XKR9: variants seen among roughly 807,000 people sequenced by gnomAD.
XKR9 encodes XK-related protein 9.
A neutral mutation model predicts 32.0 loss-of-function variants in XKR9; 32 were observed. The ratio of observed to expected loss-of-function variants is 1.00; its 90% CI spans 0.76 to 1.34. The LOEUF (loss-of-function observed/expected upper bound fraction) is 1.34. XKR9 is among the 40% of genes most tolerant of loss of function. The pLI, the probability that XKR9 is intolerant of heterozygous loss-of-function variation, is 0.00. For synonymous variants in XKR9, 168 were observed against 143.4 expected (o/e 1.17, Z -1.22); for missense variants, 546 against 429.7 (o/e 1.27, Z -2.39).
downstream of XKR9, among the ~76,000 whole-genome samples, chr8:70,792,262 TC>T (rs1807773756): frequency 6.6e-6 from 1 of 152,076 alleles, no homozygotes; most frequent in Non-Finnish European, 1.5e-5. Context: ...ATCATTCCTA[TC>T]TCCAAGGGCT....
intron 4 of XKR9, among the ~76,000 whole-genome samples, chr8:70,710,851 C>A (rs1181914006): frequency 6.6e-6 from 1 of 152,138 alleles, no homozygotes; most frequent in East Asian, 1.9e-4. Flanking sequence ...AAACAACCTA[C>A]AGAATGGGAG....
intron 3 of XKR9, among the ~76,000 whole-genome samples, chr8:70,704,108 G>T (rs1429836529): frequency 6.6e-6 from 1 of 152,062 alleles, no homozygotes; most frequent in African/African-American, 2.4e-5. Flanking sequence ...TGTGAACCCG[G>T]GAGGTGGAGC....
chr8:70,941,311 T>A, the XKR9 span, among the ~76,000 whole-genome samples: 3 of 152,164 alleles, frequency 2.0e-5, no homozygotes, highest in Non-Finnish European at 2.9e-5. Context: ...AATTTCTTTT[T>A]TATGGCTGAG....
chr8:71,042,511 A>G, the XKR9 span, among the ~76,000 whole-genome samples: 12 of 152,276 alleles, frequency 7.9e-5, no homozygotes, highest in Non-Finnish European at 1.6e-4. Flanking sequence ...CTACTGCAGG[A>G]TGGCTATAAA....
the XKR9 span, among the ~76,000 whole-genome samples, chr8:70,923,194 GAGGC>G: frequency 1.3e-5 from 2 of 152,244 alleles, no homozygotes; most frequent in Non-Finnish European, 2.9e-5. Context: ...CTGGGATGTT[GAGGC>G]TGACAAGATT....
chr8:70,871,912 T>A, the XKR9 span, among the ~76,000 whole-genome samples: 1 of 152,236 alleles, frequency 6.6e-6, no homozygotes, highest in Admixed American at 6.5e-5. Context: ...CTAGTTCTAG[T>A]TCTAGTTTTA....
the XKR9 span, among the ~76,000 whole-genome samples, chr8:70,824,419 T>C: frequency 2.6e-5 from 4 of 152,124 alleles, no homozygotes; most frequent in African/African-American, 9.6e-5. Flanking sequence ...ACCCTTCTTA[T>C]TTAGGTGTCT....
chr8:70,772,376 AC>A, intron 2 of XKR9, among the ~76,000 whole-genome samples: 1 of 152,326 alleles, frequency 6.6e-6, no homozygotes, highest in East Asian at 1.9e-4. Context: ...ATATTCCATG[AC>A]AAAGGAGCCT....
the XKR9 span, among the ~76,000 whole-genome samples, chr8:70,983,773 C>A: frequency 6.7e-6 from 1 of 150,082 alleles, no homozygotes; most frequent in Admixed American, 6.7e-5. Context: ...AAGGGCAAGA[C>A]TTCATCTCAA....
chr8:70,914,786 A>T, the XKR9 span, among the ~76,000 whole-genome samples: 4 of 152,176 alleles, frequency 2.6e-5, no homozygotes, highest in Non-Finnish European at 5.9e-5. Flanking sequence ...AGTTTAAAAG[A>T]TATTTTTCTA....
chr8:70,958,163 T>C, the XKR9 span, among the ~76,000 whole-genome samples: 1 of 152,214 alleles, frequency 6.6e-6, no homozygotes, highest in African/African-American at 2.4e-5. Flanking sequence ...AATGAACATA[T>C]GTGTGCATGT....
At chr8:70,757,820 C>T (rs1256102725) in intron 2 of XKR9, among the ~76,000 whole-genome samples, 3 of 152,174 alleles carry the variant, frequency 2.0e-5, no homozygotes, top group Non-Finnish European at 2.9e-5. Context: ...CTCCTTACCT[C>T]AGGTGATCCG....
chr8:70,758,643 A>G (rs1312899051), intron 2 of XKR9, among the ~76,000 whole-genome samples: 1 of 152,216 alleles, frequency 6.6e-6, no homozygotes, highest in East Asian at 1.9e-4. Context: ...TTGTCCTATG[A>G]TACAATGGCA....
intron 4 of XKR9, among the ~76,000 whole-genome samples, chr8:70,709,153 C>A (rs527260498): frequency 6.6e-6 from 1 of 152,106 alleles, no homozygotes; most frequent in South Asian, 2.1e-4. Flanking sequence ...ATACATAAAT[C>A]AATAAATGTG....
At chr8:70,855,262 C>T in the XKR9 span, among the ~76,000 whole-genome samples, 823 of 151,994 alleles carry the variant, frequency 5.4e-3, 12 homozygotes, top group African/African-American at 0.019. Context: ...ACTAGAATAA[C>T]CAATGCAGAA....
the XKR9 span, among the ~76,000 whole-genome samples, chr8:70,858,034 C>G: frequency 1.3e-5 from 2 of 152,160 alleles, no homozygotes; most frequent in Non-Finnish European, 2.9e-5. Flanking sequence ...AAACAGGAAG[C>G]ATTCCCTTTG....
At chr8:70,951,274 T>C in the XKR9 span, among the ~76,000 whole-genome samples, 59 of 152,352 alleles carry the variant, frequency 3.9e-4, no homozygotes, top group Admixed American at 7.8e-4. Flanking sequence ...GACTCTGAGA[T>C]AAGCCAAAGC....
chr8:70,938,126 A>C, the XKR9 span, among the ~76,000 whole-genome samples: 2 of 151,940 alleles, frequency 1.3e-5, no homozygotes, highest in Admixed American at 1.3e-4. Flanking sequence ...TTGGGCCAAA[A>C]ATTTTAGTGA....
the XKR9 span, among the ~76,000 whole-genome samples, chr8:70,889,000 T>C: frequency 6.6e-6 from 1 of 151,986 alleles, no homozygotes; most frequent in African/African-American, 2.4e-5. Flanking sequence ...GTTATTGGTA[T>C]TTGCATAGGT....
Sources: allele counts gnomAD v4.1 joint callset (sites outside exome capture counted in the v4.1 genomes callset), GRCh38; gene constraint gnomAD v4.1.1; transcripts MANE v1.5; gene names NCBI Gene and HGNC (gene_info 2026-07-23, HGNC 2026-07-21).